GRM8: variants seen among roughly 807,000 people sequenced by gnomAD.
GRM8 encodes metabotropic glutamate receptor 8.
A neutral mutation model predicts 87.2 loss-of-function variants in GRM8; 47 were observed. The observed-to-expected ratio is 0.54, with a 90% CI of 0.43 to 0.69. The LOEUF (loss-of-function observed/expected upper bound fraction) is 0.69, where lower values mean the gene tolerates loss of function less well. GRM8 is among the 30% of genes least tolerant of loss of function. GRM8 has a pLI of 0.00. For missense variants in GRM8, 1,019 were observed against 1,139.2 expected (o/e 0.89, Z 1.52); for synonymous variants, 396 against 404.5 (o/e 0.98, Z 0.25).
chr7:126,754,022 A>G (rs2151551589), intron 7 of GRM8, among the ~76,000 whole-genome samples: 1 of 152,004 alleles, frequency 6.6e-6, no homozygotes, highest in Non-Finnish European at 1.5e-5. Context: ...TTAGGGAACC[A>G]CCGCCGGATA....
chr7:126,946,055 T>A (rs957618880), intron 3 of GRM8, among the ~76,000 whole-genome samples: 1 of 152,254 alleles, frequency 6.6e-6, no homozygotes, highest in Non-Finnish European at 1.5e-5. Flanking sequence ...AATTTTGCAT[T>A]CTTCCTTCTG....
intron 8 of GRM8, among the ~76,000 whole-genome samples, chr7:126,601,680 T>C (rs1342975588): frequency 2.4e-3 from 361 of 149,364 alleles, no homozygotes; most frequent in African/African-American, 8.1e-3. Flanking sequence ...CTCTGATGGC[T>C]AGTGATGATG....
At chr7:126,773,710 A>G (rs1284617141) in intron 6 of GRM8, among the ~76,000 whole-genome samples, 3 of 152,144 alleles carry the variant, frequency 2.0e-5, no homozygotes, top group Non-Finnish European at 4.4e-5. Context: ...CTTAAAAAAT[A>G]AACAGCCTGG....
intron 7 of GRM8, among the ~76,000 whole-genome samples, chr7:126,630,641 A>C: frequency 6.6e-6 from 1 of 152,182 alleles, no homozygotes; most frequent in East Asian, 1.9e-4. Context: ...ACAAAATACT[A>C]GCAAACTGAA....
intron 2 of GRM8, among the ~76,000 whole-genome samples, chr7:127,138,474 T>C (rs567640235): frequency 6.6e-6 from 1 of 152,220 alleles, no homozygotes; most frequent in East Asian, 1.9e-4. Flanking sequence ...ATATGCAGCC[T>C]AGGCAGGCAG....
chr7:126,605,272 G>T (rs77696705), intron 8 of GRM8, among the ~76,000 whole-genome samples: 102 of 152,254 alleles, frequency 6.7e-4, no homozygotes, highest in African/African-American at 2.4e-3. Context: ...TAATAAAATA[G>T]AGAGACTCAT....
At chr7:126,874,885 CACACTTTTT>C (rs1799406291) in intron 6 of GRM8, among the ~76,000 whole-genome samples, 1 of 152,038 alleles carries the variant, frequency 6.6e-6, no homozygotes, top group Non-Finnish European at 1.5e-5. Flanking sequence ...TGTAAATGAC[CACACTTTTT>C]ACACAAATGC....
At chr7:127,217,540 T>A (rs1330412658) in intron 2 of GRM8, among the ~76,000 whole-genome samples, 1 of 152,212 alleles carries the variant, frequency 6.6e-6, no homozygotes, top group East Asian at 1.9e-4. Context: ...GGTGGCCAAA[T>A]ATCAAAGTCC....
At chr7:126,689,799 T>A (rs1383572859) in intron 7 of GRM8, among the ~76,000 whole-genome samples, 1 of 152,246 alleles carries the variant, frequency 6.6e-6, no homozygotes, top group Non-Finnish European at 1.5e-5. Context: ...ATAACAAATA[T>A]ATAAGCAGAA....
chr7:126,827,438 T>A (rs1794928743), intron 6 of GRM8, among the ~76,000 whole-genome samples: 1 of 152,250 alleles, frequency 6.6e-6, no homozygotes, highest in Non-Finnish European at 1.5e-5. Flanking sequence ...ACGTCCCTTG[T>A]AAATTGGATT....
chr7:126,832,583 C>T (rs1339753189), intron 6 of GRM8, among the ~76,000 whole-genome samples: 1 of 152,150 alleles, frequency 6.6e-6, no homozygotes, highest in Non-Finnish European at 1.5e-5. Context: ...CCTAGACTTA[C>T]ACATTATGTC....
rs575385853 is a variant in GRM8 at position 126,536,121 on chromosome 7, A to G, written c.1495-2234T>C. ...ACTTAGCTACTTGGTGGCCACTTTC[A>G]TTTTAATATCAGTGTAGTTATCTAT... On this transcript the variant is annotated intron_variant, in intron 8 of 10. Transcript: ENST00000339582. 2.0e-5 allele frequency among the ~76,000 whole-genome samples: 3 copies of G among 152,334 alleles called. No individual in the cohort carries two copies. In the South Asian group the frequency reaches 6.2e-4, roughly 32 times the overall value.
At chr7:126,450,752 C>CA (rs1412868104) in intron 9 of GRM8, among the ~76,000 whole-genome samples, 1 of 151,782 alleles carries the variant, frequency 6.6e-6, no homozygotes, top group Non-Finnish European at 1.5e-5. Flanking sequence ...TTGAAAATTG[C>CA]AAAAACCAGA....
chr7:126,865,157 C>G (rs188938730), intron 6 of GRM8, among the ~76,000 whole-genome samples: 2 of 152,216 alleles, frequency 1.3e-5, no homozygotes, highest in East Asian at 3.8e-4. Flanking sequence ...CCCATGTCAA[C>G]TTTTGATACT....
chr7:126,541,855 G>A (rs925122952), intron 8 of GRM8, among the ~76,000 whole-genome samples: 3 of 152,180 alleles, frequency 2.0e-5, no homozygotes. Flanking sequence ...TCTGTTATGG[G>A]TTGAATTGTG....
At chr7:127,051,344 C>CA (rs11311935) in intron 3 of GRM8, among the ~76,000 whole-genome samples, 10 of 150,968 alleles carry the variant, frequency 6.6e-5, no homozygotes, top group South Asian at 2.1e-4. Flanking sequence ...CCCTTCGTGG[C>CA]AAAAAAAAAA....
chr7:127,166,975 A>G (rs769703413), intron 2 of GRM8, among the ~76,000 whole-genome samples: 6 of 152,144 alleles, frequency 3.9e-5, no homozygotes, highest in Non-Finnish European at 5.9e-5. Flanking sequence ...TGTTTGGATT[A>G]AAAATTATGA....
chr7:126,493,262 G>C (rs1450954117), intron 9 of GRM8, among the ~76,000 whole-genome samples: 1 of 152,034 alleles, frequency 6.6e-6, no homozygotes, highest in East Asian at 1.9e-4. Context: ...TGCAACAGCA[G>C]GACTAACAGC....
chr7:126,550,100 T>C (rs757772660), intron 8 of GRM8, among the ~76,000 whole-genome samples: 12 of 151,362 alleles, frequency 7.9e-5, no homozygotes, highest in Non-Finnish European at 1.3e-4. Flanking sequence ...AGAGTGAAAA[T>C]GTTTTTTGTT....
Sources: allele counts gnomAD v4.1 joint callset (sites outside exome capture counted in the v4.1 genomes callset), GRCh38; gene constraint gnomAD v4.1.1; transcripts MANE v1.5; gene names NCBI Gene and HGNC (gene_info 2026-07-23, HGNC 2026-07-21).